The following KATNBL1 variants were observed in gnomAD, a reference collection of about 807,000 sequenced individuals.
KATNBL1 encodes the protein katanin regulatory subunit B1 like 1, also known as KATNB1-like protein 1.
KATNBL1 carries 28 observed loss-of-function variants against 44.7 expected under a neutral mutation model. That is an observed-to-expected ratio of 0.63 (90% CI 0.46 to 0.86). KATNBL1 has a LOEUF of 0.86. Ranked by LOEUF, KATNBL1 falls within the 40% of genes least tolerant of loss-of-function variation. The pLI is 0.00. For missense variants in KATNBL1, 272 were observed against 350.7 expected (o/e 0.78, Z 1.79); for synonymous variants, 78 against 114.9 (o/e 0.68, Z 2.06).
chr15:34,200,968 C>A (rs1388350457), intron 1 of KATNBL1, among the ~76,000 whole-genome samples: 2 of 152,166 alleles, frequency 1.3e-5, no homozygotes, highest in South Asian at 4.1e-4. Context: ...AGGTGCACAC[C>A]ACCACACCTG....
chr15:34,166,934 T>A (rs561454623), intron 1 of KATNBL1, among the ~76,000 whole-genome samples: 2 of 151,888 alleles, frequency 1.3e-5, no homozygotes, highest in African/African-American at 4.8e-5. Context: ...CAAAACCCCA[T>A]CCGTAAGTCA....
At chr15:34,154,801 C>T (rs1888588055) in intron 2 of KATNBL1, 117 bp from the exon 3 acceptor site, 1 of 710,034 alleles carries the variant, frequency 1.4e-6, no homozygotes, top group East Asian at 2.7e-5. Context: ...CAGAAGGGTG[C>T]CAATCGTGCC....
chr15:34,147,147 A>C (rs760885172), intron 7 of KATNBL1, 53 bp downstream of exon 7: 10 of 1,168,446 alleles, frequency 8.6e-6, no homozygotes, highest in East Asian at 2.4e-5. Context: ...ACAAAGCACA[A>C]AATCAAGGAT....
At chr15:34,180,905 C>G (rs919759944) in intron 1 of KATNBL1, among the ~76,000 whole-genome samples, 1 of 152,012 alleles carries the variant, frequency 6.6e-6, no homozygotes, top group African/African-American at 2.4e-5. Flanking sequence ...CCAAAAAAAA[C>G]CAAACCAAAG....
chr15:34,146,758 C>T lies in KATNBL1; in HGVS notation c.788+3G>A. ...ATGAGTTTATCTTTAAAGGTATACT[C>T]ACCCATCATTTATAATTTCTGTTTT... On this transcript the variant is annotated splice_donor_region_variant and intron_variant, in intron 8 of 9. Coordinates refer to ENST00000256544, the MANE Select transcript of KATNBL1 (RefSeq NM_024713.3). The T allele has an allele frequency of 6.5e-7, 1 of 1,539,242 alleles. No homozygotes were observed. Among genetic ancestry groups the T allele is most frequent in the South Asian group, 1.1e-5 (1 of 89,428 alleles).
chr15:34,178,613 A>G lies in KATNBL1; in HGVS notation c.-14-14923T>C, dbSNP rs537426745. ...TCTACTAAAAATACAAAAATTAGCC[A>G]GGTGTGGTGGTGGGCACTTGTAGTC... On this transcript the variant is annotated intron_variant, in intron 1 of 9. Coordinates refer to ENST00000256544, the MANE Select transcript of KATNBL1 (RefSeq NM_024713.3). 1.9e-3 allele frequency among the ~76,000 whole-genome samples: 284 copies of G among 152,092 alleles called. 1 individual carries two copies. Among genetic ancestry groups the G allele is most frequent in the African/African-American group, 6.5e-3 (268 of 41,484 alleles).
intron 1 of KATNBL1, among the ~76,000 whole-genome samples, chr15:34,188,007 C>G (rs756228410): frequency 8.6e-5 from 13 of 151,220 alleles, no homozygotes; most frequent in Admixed American, 1.3e-4. Context: ...GGTGTGGTAG[C>G]AAGTGCCTGT....
chr15:34,154,278 C>T (rs1473050465), intron 3 of KATNBL1, among the ~76,000 whole-genome samples: 1 of 152,214 alleles, frequency 6.6e-6, no homozygotes, highest in Non-Finnish European at 1.5e-5. Context: ...GTCCTCAAAT[C>T]ACACTTTGAA....
At chr15:34,145,116 AT>A in intron 9 of KATNBL1, 1 of 1,118,050 alleles carries the variant, frequency 8.9e-7, no homozygotes, top group South Asian at 2.1e-5. Flanking sequence ...GATTCTCAAA[AT>A]TTTTTCAAAT....
At chr15:34,145,550 A>G (rs1347239531) in intron 8 of KATNBL1, 59 bp from the exon 9 acceptor site, 3 of 1,298,240 alleles carry the variant, frequency 2.3e-6, no homozygotes, top group Non-Finnish European at 3.0e-6. Flanking sequence ...ACAAACTTTC[A>G]TCATAAATAT....
chr15:34,160,492 A>G (rs1888766405), intron 2 of KATNBL1, among the ~76,000 whole-genome samples: 1 of 152,070 alleles, frequency 6.6e-6, no homozygotes, highest in Non-Finnish European at 1.5e-5. Flanking sequence ...CTAATTCTAG[A>G]CCTGCATATT....
chr15:34,173,051 T>C (rs1889219791), intron 1 of KATNBL1, among the ~76,000 whole-genome samples: 1 of 150,930 alleles, frequency 6.6e-6, no homozygotes, highest in African/African-American at 2.4e-5. Flanking sequence ...ATAATAAAGA[T>C]AGTAAAAAAC....
intron 1 of KATNBL1, among the ~76,000 whole-genome samples, chr15:34,176,493 A>G (rs1468983673): frequency 6.6e-6 from 1 of 152,246 alleles, no homozygotes; most frequent in Admixed American, 6.5e-5. Context: ...GAAAATGTCT[A>G]TAAAAATAAA....
rs549391500 is a variant in KATNBL1, at chr15:34,185,142, G to T, written c.-14-21452C>A. Among the ~76,000 whole-genome samples the T allele has an allele frequency of 7.2e-5, 11 of 152,026 alleles. No individual in the cohort carries two copies. In the South Asian group the frequency reaches 2.1e-3, roughly 29 times the overall value. ...CTGCCACCATGCCCAGCTAATTTTT[G>T]TATTTTTTGTAGAGACGGGGTTTCA... On this transcript the variant is annotated intron_variant, in intron 1 of 9. Coordinates refer to ENST00000256544, the MANE Select transcript of KATNBL1 (RefSeq NM_024713.3).
At chr15:34,178,574 G>T (rs570459927) in intron 1 of KATNBL1, among the ~76,000 whole-genome samples, 1 of 152,048 alleles carries the variant, frequency 6.6e-6, no homozygotes, top group East Asian at 1.9e-4. Context: ...TGGCTAACCC[G>T]GTGAAACCCT....
intron 1 of KATNBL1, among the ~76,000 whole-genome samples, chr15:34,193,084 G>A (rs1181346344): frequency 1.3e-5 from 2 of 151,514 alleles, no homozygotes; most frequent in Non-Finnish European, 3.0e-5. Flanking sequence ...GGGCGTAGTG[G>A]CGGGCGCCTG....
At chr15:34,173,106 T>C (rs938706028) in intron 1 of KATNBL1, among the ~76,000 whole-genome samples, 3 of 147,436 alleles carry the variant, frequency 2.0e-5, no homozygotes, top group Middle Eastern at 3.2e-3. Flanking sequence ...TCCCAGAACA[T>C]AGGAAGAAAA....
chr15:34,190,223 C>T (rs572418234), intron 1 of KATNBL1, among the ~76,000 whole-genome samples: 3 of 152,228 alleles, frequency 2.0e-5, no homozygotes, highest in Non-Finnish European at 4.4e-5. Flanking sequence ...GGATTACAGG[C>T]GTGAGCCACC....
rs1483573939 is a variant in KATNBL1 at position 34,147,435 on chromosome 15, G to C, written c.558-5C>G. 1 of 1,610,428 alleles carries C rather than the reference G, an allele frequency of 6.2e-7. No homozygotes were observed. The highest frequency in any genetic ancestry group is 8.5e-7 in the Non-Finnish European group (1 of 1,176,880). ...ACAACGCCAAGATCTTCTATCCTGA[G>C]AGTATAAAAAGAATAGCATTGCCTT... On this transcript the variant is annotated splice_region_variant and splice_polypyrimidine_tract_variant and intron_variant, in intron 5 of 9. Transcript: ENST00000256544.
Sources: allele counts gnomAD v4.1 joint callset (sites outside exome capture counted in the v4.1 genomes callset), GRCh38; gene constraint gnomAD v4.1.1; transcripts MANE v1.5; gene names NCBI Gene and HGNC (gene_info 2026-07-23, HGNC 2026-07-21).